CADPS2: variants seen among roughly 807,000 people sequenced by gnomAD.
CADPS2 encodes the protein calcium dependent secretion activator 2.
Under a neutral mutation model 172.5 loss-of-function variants are expected in CADPS2, and 93 were observed. The observed-to-expected ratio is 0.54, with a 90% CI of 0.46 to 0.64. CADPS2 has a LOEUF of 0.64. Among genes scored for constraint, CADPS2 ranks in the 30% least tolerant of loss-of-function variants. The probability of loss-of-function intolerance (pLI) is 0.00; values close to 1 mark genes in which losing one functional copy is unlikely to be tolerated. For missense variants in CADPS2, 1,420 were observed against 1,565.9 expected (o/e 0.91, Z 1.57); for synonymous variants, 546 against 555.2 (o/e 0.98, Z 0.23).
At chr7:122,441,153 A>G (rs1485341262) in intron 16 of CADPS2, among the ~76,000 whole-genome samples, 3 of 152,218 alleles carry the variant, frequency 2.0e-5, no homozygotes, top group African/African-American at 7.2e-5. Flanking sequence ...AGGTAGAAGT[A>G]CAAATAAAGT....
intron 3 of CADPS2, among the ~76,000 whole-genome samples, chr7:122,639,437 A>G (rs1286420448): frequency 6.6e-6 from 1 of 152,154 alleles, no homozygotes; most frequent in Admixed American, 6.5e-5. Flanking sequence ...GCACCTTATA[A>G]AACTATAGTA....
chr7:122,527,428 A>C (rs1045057844), intron 8 of CADPS2, among the ~76,000 whole-genome samples: 6 of 151,940 alleles, frequency 3.9e-5, no homozygotes, highest in Admixed American at 1.3e-4. Context: ...AAAAAAAAAA[A>C]AACACAAAAC....
intron 7 of CADPS2, among the ~76,000 whole-genome samples, chr7:122,565,631 C>T (rs1426404607): frequency 6.6e-6 from 1 of 152,086 alleles, no homozygotes; most frequent in Non-Finnish European, 1.5e-5. Context: ...TAATACAAAC[C>T]ATCAGGGAAT....
At chr7:122,451,663 G>A (rs1052952485) in intron 14 of CADPS2, among the ~76,000 whole-genome samples, 188 bp from the exon 15 acceptor site, 5 of 152,048 alleles carry the variant, frequency 3.3e-5, no homozygotes, top group African/African-American at 1.2e-4. Context: ...TGAATGGAAT[G>A]GAATTATTCT....
intron 1 of CADPS2, among the ~76,000 whole-genome samples, chr7:122,794,529 T>C (rs922752364): frequency 6.6e-6 from 1 of 152,020 alleles, no homozygotes; most frequent in Non-Finnish European, 1.5e-5. Context: ...TGGGAGAGCT[T>C]GACATCCCAC....
intron 17 of CADPS2, among the ~76,000 whole-genome samples, chr7:122,436,571 AG>A (rs1419684648): frequency 6.6e-6 from 1 of 151,890 alleles, no homozygotes; most frequent in African/African-American, 2.4e-5. Flanking sequence ...AAAACATGGA[AG>A]TTTTTCTCAC....
At chr7:122,354,562 G>A (rs769713051) in intron 27 of CADPS2, 5 of 152,042 alleles carry the variant, frequency 3.3e-5, no homozygotes, top group Non-Finnish European at 7.4e-5. Context: ...CCTTACGGGT[G>A]AGCAAAACTT....
In CADPS2 at chr7:122,490,129, G is replaced by A; in HGVS notation, c.1804C>T (p.Gln602Ter). The A allele has an allele frequency of 6.2e-7, 1 of 1,613,434 alleles. No individual in the cohort carries two copies. Among genetic ancestry groups the A allele is most frequent in the South Asian group, 1.1e-5 (1 of 91,078 alleles). ...SYKPVPAIQT[Q>*]KLNPKGGTLH... is the part of the protein sequence containing the mutation. ...GTTCCTCCTTTAGGATTCAGTTTCT[G>A]GGTTTGAATTGCAGGAACTGGTTTA... The change falls in exon 11 of 30, where the codon CAG (glutamine) becomes TAG (stop). Residue 602 changes from glutamine (Q) to a stop codon, truncating the protein, a stop_gained. Coordinates refer to ENST00000449022, the MANE Select transcript of CADPS2 (RefSeq NM_017954.11). LOFTEE classifies it high-confidence loss of function.
At chr7:122,561,031 T>G (rs957308436) in intron 7 of CADPS2, among the ~76,000 whole-genome samples, 3 of 152,312 alleles carry the variant, frequency 2.0e-5, no homozygotes, top group African/African-American at 7.2e-5. Context: ...TTTAATACAC[T>G]TGAGGTTGCT....
chr7:122,370,494 G>A (rs978900560), intron 25 of CADPS2, among the ~76,000 whole-genome samples: 1 of 152,178 alleles, frequency 6.6e-6, no homozygotes, highest in Admixed American at 6.5e-5. Flanking sequence ...TGATGCCAGA[G>A]CACATTCCTT....
intron 7 of CADPS2, 29 bp downstream of exon 7, chr7:122,581,150 C>T (rs559811878): frequency 1.3e-6 from 2 of 1,543,638 alleles, no homozygotes; most frequent in African/African-American, 1.4e-5. Context: ...ACTGTTCTAC[C>T]CTGGACACAC....
intron 12 of CADPS2, 108 bp downstream of exon 12, chr7:122,480,744 T>G (rs2057190267): frequency 1.4e-5 from 10 of 705,596 alleles, no homozygotes; most frequent in Non-Finnish European, 2.0e-5. Flanking sequence ...TGGGTTTGGC[T>G]AGAAAGTAGG....
intron 12 of CADPS2, among the ~76,000 whole-genome samples, chr7:122,479,102 C>T (rs1324046343): frequency 4.6e-5 from 7 of 152,074 alleles, no homozygotes; most frequent in Non-Finnish European, 8.8e-5. Flanking sequence ...CATTTTTTAG[C>T]ATTCTGAGGT....
intron 28 of CADPS2, among the ~76,000 whole-genome samples, chr7:122,343,368 T>C (rs757132081): frequency 5.9e-5 from 9 of 152,188 alleles, no homozygotes; most frequent in Non-Finnish European, 1.0e-4. Context: ...TGCTTAGGCA[T>C]TGAATGAAAG....
intron 6 of CADPS2, among the ~76,000 whole-genome samples, chr7:122,601,941 T>A (rs1425823230): frequency 6.6e-5 from 10 of 152,012 alleles, no homozygotes; most frequent in Non-Finnish European, 4.4e-5. Context: ...ATTATGATTT[T>A]AAAAAACTGT....
At chr7:122,375,301 T>C (rs115285443) in intron 25 of CADPS2, among the ~76,000 whole-genome samples, 2,007 of 152,222 alleles carry the variant, frequency 0.013, 35 homozygotes, top group African/African-American at 0.046. Context: ...TTTCAAAATC[T>C]ATTACAAAGC....
intron 2 of CADPS2, among the ~76,000 whole-genome samples, chr7:122,715,977 C>T (rs2089539503): frequency 6.6e-6 from 1 of 152,004 alleles, no homozygotes; most frequent in Admixed American, 6.6e-5. Context: ...GGGGAAAAAA[C>T]CTGATATTTC....
intron 6 of CADPS2, among the ~76,000 whole-genome samples, chr7:122,587,611 A>G (rs1271294820): frequency 6.6e-6 from 1 of 152,128 alleles, no homozygotes. Flanking sequence ...AATGATTTAT[A>G]TTCCTTTGGT....
At chr7:122,830,979 G>T (rs1563124485) in intron 1 of CADPS2, among the ~76,000 whole-genome samples, 1 of 152,114 alleles carries the variant, frequency 6.6e-6, no homozygotes, top group African/African-American at 2.4e-5. Flanking sequence ...GAAACAGGAA[G>T]AAAAGTCCAA....
Sources: allele counts gnomAD v4.1 joint callset (sites outside exome capture counted in the v4.1 genomes callset), GRCh38; gene constraint gnomAD v4.1.1; transcripts MANE v1.5; gene names NCBI Gene and HGNC (gene_info 2026-07-23, HGNC 2026-07-21).